XNDC1N: variants seen among roughly 807,000 people sequenced by gnomAD.
The protein encoded by XNDC1N is XRCC1 N-terminal domain containing 1, N-terminal like.
At chr11:71,912,136 G>T in the XNDC1N span, among the ~76,000 whole-genome samples, 6 of 152,168 alleles carry the variant, frequency 3.9e-5, no homozygotes, top group East Asian at 3.9e-4. Flanking sequence ...TTGCCAAAAC[G>T]GTGAGGCAGC....
chr11:71,911,235 C>T, the XNDC1N span, among the ~76,000 whole-genome samples: 33 of 152,352 alleles, frequency 2.2e-4, no homozygotes, highest in African/African-American at 7.5e-4. Context: ...ACATCATTGG[C>T]TAACGAATGC....
At chr11:71,891,374 T>A in the XNDC1N span, among the ~76,000 whole-genome samples, 19 of 152,094 alleles carry the variant, frequency 1.2e-4, no homozygotes, top group South Asian at 1.2e-3. Context: ...CCCCCTGCGA[T>A]ATTGGGAGTA....
chr11:71,870,786 C>T, the XNDC1N span, among the ~76,000 whole-genome samples: 1 of 152,088 alleles, frequency 6.6e-6, no homozygotes, highest in Non-Finnish European at 1.5e-5. Context: ...AAAAAGTGTT[C>T]AACCTCACTA....
the XNDC1N span, among the ~76,000 whole-genome samples, chr11:71,895,987 G>A: frequency 6.6e-6 from 1 of 152,274 alleles, no homozygotes; most frequent in East Asian, 1.9e-4. Context: ...GAAGAAAAAA[G>A]GAAACCATGG....
the XNDC1N span, among the ~76,000 whole-genome samples, chr11:71,925,612 G>C: frequency 6.6e-6 from 1 of 152,144 alleles, no homozygotes; most frequent in Admixed American, 6.5e-5. Flanking sequence ...AGATTTTAGA[G>C]ATATAAAAAT....
chr11:71,904,989 G>A, the XNDC1N span, among the ~76,000 whole-genome samples: 3 of 151,836 alleles, frequency 2.0e-5, no homozygotes, highest in Admixed American at 6.6e-5. Context: ...AGGATATAAC[G>A]AATAATATCA....
At chr11:71,919,140 A>T in the XNDC1N span, 1 of 634,064 alleles carries the variant, frequency 1.6e-6, no homozygotes, top group Non-Finnish European at 2.8e-6. Context: ...CTAACATGAT[A>T]GAAAAGGCAC....
the XNDC1N span, among the ~76,000 whole-genome samples, chr11:71,922,154 C>T: frequency 5.9e-5 from 9 of 152,086 alleles, no homozygotes; most frequent in Non-Finnish European, 1.2e-4. Flanking sequence ...AGCGAGACTC[C>T]GTCTAAAAAA....
the XNDC1N span, among the ~76,000 whole-genome samples, chr11:71,897,742 G>T: frequency 1.3e-5 from 2 of 152,188 alleles, no homozygotes; most frequent in Non-Finnish European, 2.9e-5. Flanking sequence ...AGCCAGGAGT[G>T]GAAGACAGAT....
chr11:71,884,992 C>A, the XNDC1N span, among the ~76,000 whole-genome samples: 1 of 151,980 alleles, frequency 6.6e-6, no homozygotes, highest in Admixed American at 6.6e-5. Context: ...CCCTCTTGCC[C>A]CCCTGGTTTT....
chr11:71,893,936 C>T, the XNDC1N span: 2 of 1,082,070 alleles, frequency 1.8e-6, no homozygotes, highest in South Asian at 1.3e-5. Context: ...CTGTTGGATT[C>T]CCAGCTGCAC....
At chr11:71,885,156 C>T in the XNDC1N span, among the ~76,000 whole-genome samples, 3 of 150,876 alleles carry the variant, frequency 2.0e-5, no homozygotes, top group Admixed American at 6.6e-5. Flanking sequence ...CATCTTCTTC[C>T]TCCCTGAATA....
At chr11:71,892,319 A>G in the XNDC1N span, among the ~76,000 whole-genome samples, 1 of 152,116 alleles carries the variant, frequency 6.6e-6, no homozygotes, top group Non-Finnish European at 1.5e-5. Context: ...GTTACAAATA[A>G]GATCACAGGG....
chr11:71,890,124 A>C, the XNDC1N span, among the ~76,000 whole-genome samples: 1 of 150,696 alleles, frequency 6.6e-6, no homozygotes, highest in African/African-American at 2.5e-5. Context: ...CTGGATATTT[A>C]AAACAACACC....
At chr11:71,870,364 G>A in the XNDC1N span, among the ~76,000 whole-genome samples, 6 of 152,090 alleles carry the variant, frequency 3.9e-5, no homozygotes, top group African/African-American at 7.2e-5. Context: ...TCATTACTCC[G>A]GGGCTGTGTG....
chr11:71,907,432 G>GC, the XNDC1N span, among the ~76,000 whole-genome samples: 2 of 147,448 alleles, frequency 1.4e-5, no homozygotes, highest in Non-Finnish European at 3.0e-5. Flanking sequence ...GGGGCGAGGA[G>GC]CCCCCCACGA....
At chr11:71,901,329 T>C in the XNDC1N span, among the ~76,000 whole-genome samples, 1 of 152,088 alleles carries the variant, frequency 6.6e-6, no homozygotes, top group African/African-American at 2.4e-5. Context: ...CTGGGAGCCG[T>C]GGCTCACGCC....
the XNDC1N span, among the ~76,000 whole-genome samples, chr11:71,911,965 G>A: frequency 2.0e-3 from 308 of 152,324 alleles, 5 homozygotes; most frequent in East Asian, 0.017. Flanking sequence ...AAGGACAATT[G>A]ATGGAGGAAG....
the XNDC1N span, among the ~76,000 whole-genome samples, chr11:71,891,212 AC>A: frequency 1.3e-5 from 2 of 151,018 alleles, no homozygotes; most frequent in Non-Finnish European, 3.0e-5. Flanking sequence ...AGGGTGGTGT[AC>A]CCCCCCTGCG....
Sources: gnomAD v4.1 joint callset for allele counts (sites outside exome capture counted in the v4.1 genomes callset) on GRCh38, gnomAD v4.1.1 for gene constraint, MANE v1.5 for transcripts, NCBI Gene and HGNC (gene_info 2026-07-23, HGNC 2026-07-21) for gene names.